Variants in PCDH15 observed in about 807,000 individuals in gnomAD.
The protein encoded by PCDH15 is protocadherin-15.
PCDH15 carries 129 observed loss-of-function variants against 178.5 expected under a neutral mutation model. The observed-to-expected ratio is 0.72, with a 90% CI of 0.63 to 0.84. The LOEUF (loss-of-function observed/expected upper bound fraction) is 0.84, where lower values mean the gene tolerates loss of function less well. Among genes scored for constraint, PCDH15 ranks in the 40% least tolerant of loss-of-function variants. The pLI is 0.00. For synonymous variants in PCDH15, 800 were observed against 732.0 expected (o/e 1.09, Z -1.50); for missense variants, 2,230 against 2,099.9 (o/e 1.06, Z -1.21).
chr10:53,893,031 G>A (rs1168025982), intron 26 of PCDH15, among the ~76,000 whole-genome samples: 1 of 152,044 alleles, frequency 6.6e-6, no homozygotes, highest in African/African-American at 2.4e-5. Flanking sequence ...GAGAAAGTCA[G>A]TATACCACAA....
chr10:54,139,159 C>A (rs7921048), intron 14 of PCDH15, among the ~76,000 whole-genome samples: 146,513 of 152,270 alleles, frequency 0.96, 70,525 homozygotes, highest in East Asian at 1. Context: ...ACCCAGCTAA[C>A]ATAAAATGAT....
At chr10:54,559,062 T>A (rs1396991296) in intron 2 of PCDH15, among the ~76,000 whole-genome samples, 2 of 152,084 alleles carry the variant, frequency 1.3e-5, no homozygotes, top group Non-Finnish European at 2.9e-5. Flanking sequence ...TTGTGAAATC[T>A]CGGGGAAGAC....
chr10:54,558,085 C>T (rs866111569), intron 2 of PCDH15, among the ~76,000 whole-genome samples: 3 of 152,012 alleles, frequency 2.0e-5, no homozygotes, highest in African/African-American at 7.2e-5. Context: ...GAAATGATCC[C>T]ACCAGAAATC....
At position 55,119,336 on chromosome 10, in the gene PCDH15, T is replaced by C. The variant is rs191473253; in HGVS notation, c.-80+47240A>G. Among the ~76,000 whole-genome samples, 3 of 152,260 alleles carry C rather than the reference T, an allele frequency of 2.0e-5. No homozygotes were observed. In the East Asian group the frequency reaches 5.8e-4, roughly 29 times the overall value. On this transcript the variant is annotated intron_variant, in intron 2 of 5. Transcript: ENST00000458638. ...CTGACCTTCGACTTTTTCCTAGTTT[T>C]ATTTTAAAACTAGCTTAAGAATCTT...
chr10:54,797,149 G>A (rs1342987563), intron 1 of PCDH15, among the ~76,000 whole-genome samples: 2 of 151,922 alleles, frequency 1.3e-5, no homozygotes, highest in East Asian at 3.9e-4. Context: ...GAGAATGAAT[G>A]ACTTTTCAAA....
At chr10:54,689,522 AG>A (rs1243431166) in intron 1 of PCDH15, among the ~76,000 whole-genome samples, 1 of 152,212 alleles carries the variant, frequency 6.6e-6, no homozygotes, top group African/African-American at 2.4e-5. Flanking sequence ...AGCCATGAAA[AG>A]CACTGTGCAA....
At chr10:54,605,229 C>T (rs183639378) in intron 2 of PCDH15, among the ~76,000 whole-genome samples, 4 of 151,902 alleles carry the variant, frequency 2.6e-5, no homozygotes, top group East Asian at 1.9e-4. Context: ...TTACCATTAC[C>T]GATGAGTTTT....
chr10:53,851,997 A>G (rs1057265325), intron 28 of PCDH15, among the ~76,000 whole-genome samples: 2 of 151,860 alleles, frequency 1.3e-5, no homozygotes, highest in African/African-American at 4.8e-5. Context: ...ACTCTGAGAA[A>G]TAAGTTGTCA....
At chr10:54,550,160 C>G (rs1165761536) in intron 2 of PCDH15, among the ~76,000 whole-genome samples, 1 of 152,046 alleles carries the variant, frequency 6.6e-6, no homozygotes, top group Non-Finnish European at 1.5e-5. Flanking sequence ...ATTTCTTTTT[C>G]CATGTTATCA....
At chr10:54,236,720 A>C in intron 9 of PCDH15, 103 bp downstream of exon 9, 2 of 991,356 alleles carry the variant, frequency 2.0e-6, no homozygotes, top group Non-Finnish European at 3.2e-6. Flanking sequence ...AATCATGTCA[A>C]ATAATAAACT....
chr10:54,766,906 G>T (rs1020147076), intron 1 of PCDH15, among the ~76,000 whole-genome samples: 2 of 151,630 alleles, frequency 1.3e-5, no homozygotes, highest in African/African-American at 4.9e-5. Flanking sequence ...CTCCAGCCTG[G>T]GCGACAGAGC....
At chr10:54,652,336 CA>C (rs2094281049) in intron 2 of PCDH15, among the ~76,000 whole-genome samples, 1 of 152,152 alleles carries the variant, frequency 6.6e-6, no homozygotes, top group Admixed American at 6.5e-5. Context: ...CTGCATTGCT[CA>C]GTGACTAAGG....
chr10:55,069,891 C>A lies in PCDH15; in HGVS notation c.-80+96685G>T, dbSNP rs552813272. ...ATGGTTGAACTAGTTTACAGTCCCA[C>A]CAACAGTGTAAAAGTGTTCCCATTT... On this transcript the variant is annotated intron_variant, in intron 2 of 5. Transcript: ENST00000458638. Among the ~76,000 whole-genome samples the A allele has an allele frequency of 3.3e-5, 5 of 152,152 alleles. No individual in the cohort carries two copies. In the South Asian group the frequency reaches 6.2e-4, roughly 19 times the overall value.
chr10:55,206,381 C>T (rs1014499321), intron 1 of PCDH15, among the ~76,000 whole-genome samples: 4 of 151,994 alleles, frequency 2.6e-5, no homozygotes, highest in Admixed American at 1.3e-4. Context: ...AGTCTCTTTC[C>T]CATAAGTCAG....
At chr10:55,546,671 T>A (rs570774311) in intron 2 of PCDH15, among the ~76,000 whole-genome samples, 5 of 152,294 alleles carry the variant, frequency 3.3e-5, no homozygotes, top group African/African-American at 7.2e-5. Flanking sequence ...TCAGACTGGA[T>A]ACTATGCAGA....
intron 5 of PCDH15, among the ~76,000 whole-genome samples, chr10:54,368,908 A>T (rs1241628779): frequency 6.6e-6 from 1 of 152,096 alleles, no homozygotes; most frequent in Non-Finnish European, 1.5e-5. Flanking sequence ...ATCTATTATT[A>T]TAAATACATT....
intron 2 of PCDH15, among the ~76,000 whole-genome samples, chr10:54,565,876 G>A (rs1477636972): frequency 3.3e-5 from 5 of 149,924 alleles, no homozygotes; most frequent in African/African-American, 1.2e-4. Flanking sequence ...CTTGAGGTTG[G>A]GAGTTTGAGA....
chr10:54,083,953 C>T (rs917319620), intron 16 of PCDH15, among the ~76,000 whole-genome samples: 9 of 152,082 alleles, frequency 5.9e-5, no homozygotes, highest in South Asian at 4.2e-4. Context: ...TGGCCAGGCG[C>T]GGTGGCTCAC....
chr10:54,084,429 T>C (rs2094485460), intron 16 of PCDH15, among the ~76,000 whole-genome samples: 3 of 151,486 alleles, frequency 2.0e-5, no homozygotes, highest in East Asian at 4.0e-4. Context: ...GCCGAGACCA[T>C]ACCACAGCTC....
Sources: allele counts gnomAD v4.1 joint callset (sites outside exome capture counted in the v4.1 genomes callset), GRCh38; gene constraint gnomAD v4.1.1; transcripts MANE v1.5; gene names NCBI Gene and HGNC (gene_info 2026-07-23, HGNC 2026-07-21).